IL13RA2: variants seen among roughly 807,000 people sequenced by gnomAD.
IL13RA2 encodes interleukin 13 receptor subunit alpha 2.
IL13RA2 carries 25 observed loss-of-function variants against 34.1 expected under a neutral mutation model. The observed-to-expected ratio is 0.73, with a 90% CI of 0.53 to 1.03. IL13RA2 has a LOEUF of 1.03. Among genes scored for constraint, IL13RA2 ranks in the 50% least tolerant of loss-of-function variants. The probability of loss-of-function intolerance (pLI) is 0.00; values close to 1 mark genes in which losing one functional copy is unlikely to be tolerated. For synonymous variants in IL13RA2, 106 were observed against 100.4 expected (o/e 1.06, Z -0.33); for missense variants, 297 against 280.9 (o/e 1.06, Z -0.41).
chrX:115,009,631 G>A lies in IL13RA2; in HGVS notation c.742C>T (p.Arg248Trp), dbSNP rs369836103. The stretch of plus-strand genomic sequence containing the variant: ...AGCTTAATTTCACATGAACTCTCCC[G>A]AGTAAAAGTAAGATAGACTGGCGGC... ...PLPPVYLTFT[R>W]ESSCEIKLKW... Residue 248 changes from arginine (R) to tryptophan (W), a missense_variant, in exon 7 of 10, where the codon CGG becomes TGG. Transcript: ENST00000243213. 1.1e-5 allele frequency: 13 copies of A among 1,202,750 alleles called. No homozygotes were observed. The highest frequency in any genetic ancestry group is 5.3e-5 in the African/African-American group (3 of 56,961).
rs1556508455 is a variant in IL13RA2 at position 115,009,632 on chromosome X, A to T, written c.741T>A (p.Thr247=). ...GCTTAATTTCACATGAACTCTCCCGAGTAAAAGTAAGATAGACTGGCGGCA... is the reference window on the plus strand; with the variant it reads ...GCTTAATTTCACATGAACTCTCCCGTGTAAAAGTAAGATAGACTGGCGGCA... The part of the protein sequence containing the change: ...KPLPPVYLTF[T]RESSCEIKLK... Residue 247 remains threonine (T), a synonymous_variant, in exon 7 of 10, where the codon ACT becomes ACA. Transcript: ENST00000243213. 2 of 1,205,777 alleles carry T rather than the reference A, an allele frequency of 1.7e-6. No individual in the cohort carries two copies. Among genetic ancestry groups the T allele is most frequent in the East Asian group, 5.9e-5 (2 of 33,804 alleles).
intron 4 of IL13RA2, 122 bp from the exon 5 acceptor site, chrX:115,014,011 G>A: frequency 1.8e-6 from 1 of 555,256 alleles, no homozygotes; most frequent in Non-Finnish European, 3.0e-6. Context: ...CAACATAACA[G>A]GATTATTTCA....
Position 115,015,686 on chromosome X carries a change from C to A in IL13RA2, c.230G>T (p.Gly77Val). Reference sequence around the variant, plus strand: ...TTTACTTACCTTCCATGTTTCACTACCAATGTTTCGGTATTTTAGTTCATA... The same window carrying A: ...TTTACTTACCTTCCATGTTTCACTAACAATGTTTCGGTATTTTAGTTCATA... Reference protein sequence around the residue: ...VEYELKYRNIGSETWKTIITK... With the variant: ...VEYELKYRNIVSETWKTIITK... Residue 77 changes from glycine to valine, a missense_variant, in exon 3 of 10, where the codon GGT becomes GTT. Coordinates refer to ENST00000243213, the MANE Select transcript of IL13RA2 (RefSeq NM_000640.3). The A allele has an allele frequency of 8.3e-7, 1 of 1,204,134 alleles. No individual in the cohort carries two copies. Among genetic ancestry groups the A allele is most frequent in the Non-Finnish European group, 1.1e-6 (1 of 888,830 alleles).
intron 6 of IL13RA2, 105 bp downstream of exon 6, chrX:115,010,537 GTC>G (rs2071702061): frequency 6.9e-6 from 3 of 432,886 alleles, no homozygotes; most frequent in Non-Finnish European, 1.2e-5. Flanking sequence ...CTCTGTCTAT[GTC>G]TCTCTCTCCT....
chrX:115,008,036 G>A lies in IL13RA2; in HGVS notation c.893C>T (p.Thr298Ile). The part of the protein sequence containing the change: ...VENETYTLKT[T>I]NETRQLCFVV... ...AAAGCATAATTGTCGGGTTTCATTTGTTGTTTTCAAGGTGTATGTTTCATT... is the reference window on the plus strand; with the variant it reads ...AAAGCATAATTGTCGGGTTTCATTTATTGTTTTCAAGGTGTATGTTTCATT... The change falls in exon 8 of 10, where the codon ACA (threonine) becomes ATA (isoleucine). Residue 298 changes from threonine to isoleucine, a missense_variant. Physicochemically the swap from Thr to Ile is moderately conservative, Grantham distance 89 (BLOSUM62 -1). Coordinates refer to ENST00000243213, the MANE Select transcript of IL13RA2 (RefSeq NM_000640.3). 1 of 1,152,787 alleles carries A rather than the reference G, an allele frequency of 8.7e-7. No homozygotes were observed. The highest frequency in any genetic ancestry group is 1.8e-5 in the South Asian group (1 of 54,904).
At chrX:115,015,882 T>C in intron 2 of IL13RA2, 61 bp from the exon 3 acceptor site, 16 of 778,103 alleles carry the variant, frequency 2.1e-5, no homozygotes, top group Middle Eastern at 3.1e-4. Context: ...TATTGCTAAA[T>C]CTAGATGGCT....
intron 7 of IL13RA2, among the ~76,000 whole-genome samples, chrX:115,009,167 T>C (rs1255121234): frequency 9.1e-6 from 1 of 110,430 alleles, no homozygotes; most frequent in Non-Finnish European, 1.9e-5. Flanking sequence ...TACTGTAATT[T>C]TGACCTGATG....
chrX:115,015,739 C>T lies in IL13RA2; in HGVS notation c.177G>A (p.Leu59=), dbSNP rs1556509794. The change falls in exon 3 of 10, where the codon CTG becomes CTA. Residue 59 remains leucine, a synonymous_variant. Coordinates refer to ENST00000243213, the MANE Select transcript of IL13RA2 (RefSeq NM_000640.3). ...CCACTGTGCATTCCTTAAAATGATC[C>T]AGAGACAGTGGGGGTTGCCATTGCA... ...LYLQWQPPLS[L]DHFKECTVEY... 1 of 1,190,837 alleles carries T rather than the reference C, an allele frequency of 8.4e-7. No individual in the cohort carries two copies. The highest frequency in any genetic ancestry group is 1.1e-6 in the Non-Finnish European group (1 of 876,540).
intron 5 of IL13RA2, among the ~76,000 whole-genome samples, chrX:115,011,468 A>G (rs782266113): frequency 3.1e-4 from 35 of 111,982 alleles, no homozygotes; most frequent in Non-Finnish European, 5.6e-4. Flanking sequence ...AGCTAAAAGG[A>G]ACTAGGAGTG....
chrX:115,017,539 T>C lies in IL13RA2; in HGVS notation c.-34+14A>G. The C allele has an allele frequency of 4.0e-6, 1 of 251,403 alleles. No homozygotes were observed. Among genetic ancestry groups the C allele is most frequent in the South Asian group, 5.9e-5 (1 of 16,896 alleles). 20.7% of individuals were successfully genotyped at this position (251,403 alleles called of 1,213,427 possible). On this transcript the variant is annotated intron_variant, in intron 1 of 9. Transcript: ENST00000243213. ...TAAAAACAAAGCTAAGCAAAAACCC[T>C]TGTAGCTCCTCACCTCCCCGCCGAC...
intron 8 of IL13RA2, among the ~76,000 whole-genome samples, chrX:115,006,815 T>G (rs185698656): frequency 8.5e-4 from 96 of 112,465 alleles, no homozygotes; most frequent in Non-Finnish European, 1.6e-3. Flanking sequence ...AACCACTTTA[T>G]ACAATGCATT....
chrX:115,005,334 C>T lies in IL13RA2; in HGVS notation c.998-19G>A, dbSNP rs17095003. On this transcript the variant is annotated intron_variant, in intron 8 of 9. Transcript: ENST00000243213. ...TCTTCACCTAGGATTAAAAATCACA[C>T]GGAAAGGGGAAGTGTTAGACATTTG... is the stretch of plus-strand genomic sequence containing the variant. The T allele has an allele frequency of 0.13, 93,641 of 718,958 alleles. 4,576 individuals carry two copies. The highest frequency in any genetic ancestry group is 0.16 in the Non-Finnish European group (70,468 of 447,897). 59.3% of individuals were successfully genotyped at this position (718,958 alleles called of 1,213,427 possible). A position where few individuals can be genotyped will look rare whatever the true frequency, so the allele number is the denominator to read the frequency against.
chrX:115,016,154 A>G (rs1602977983), intron 2 of IL13RA2, among the ~76,000 whole-genome samples: 1 of 108,620 alleles, frequency 9.2e-6, no homozygotes, highest in Non-Finnish European at 1.9e-5. Context: ...GGGAGAAACA[A>G]TGCAGGGTGA....
At position 115,007,955 on chromosome X, in the gene IL13RA2, C is replaced by T; in HGVS notation, c.974G>A (p.Trp325Ter). The T allele has an allele frequency of 8.9e-7, 1 of 1,125,841 alleles. No individual in the cohort carries two copies. The highest frequency in any genetic ancestry group is 1.2e-6 in the Non-Finnish European group (1 of 819,322). 92.8% of individuals were successfully genotyped at this position (1,125,841 alleles called of 1,213,427 possible). ...ACCTTCCCAGCATTGTTTATCACTC[C>T]ACTCACTCCAAATTCCGTCATCTGA... Reference protein sequence around the residue: ...YCSDDGIWSEWSDKQCWEGED... With the variant: ...YCSDDGIWSE Residue 325 changes from tryptophan (W) to a stop codon, truncating the protein, a stop_gained, in exon 8 of 10, where the codon TGG becomes TAG. Transcript: ENST00000243213. LOFTEE classifies it high-confidence loss of function.
At chrX:115,013,913 T>C (rs2071716422) in intron 4 of IL13RA2, 24 bp from the exon 5 acceptor site, 11 of 1,004,930 alleles carry the variant, frequency 1.1e-5, no homozygotes, top group Non-Finnish European at 1.5e-5. Flanking sequence ...CAACTGTGAA[T>C]GTTTGAAAGG....
chrX:115,006,418 C>T (rs1044604951), intron 8 of IL13RA2, among the ~76,000 whole-genome samples: 9 of 112,134 alleles, frequency 8.0e-5, no homozygotes, highest in African/African-American at 2.9e-4. Flanking sequence ...CACAGTGGCT[C>T]ATGCCTGTAA....
intron 7 of IL13RA2, 152 bp downstream of exon 7, chrX:115,009,369 T>C (rs782792950): frequency 2.4e-6 from 1 of 422,623 alleles, no homozygotes; most frequent in East Asian, 3.7e-5. Context: ...TATACTTTTG[T>C]CCATTAGCTT....
intron 7 of IL13RA2, 105 bp from the exon 8 acceptor site, chrX:115,008,181 G>A: frequency 9.0e-6 from 5 of 557,689 alleles, no homozygotes; most frequent in Non-Finnish European, 1.5e-5. Context: ...TAAAATCTAT[G>A]CAATCTATGC....
chrX:115,016,599 CAT>C (rs1478728171), intron 2 of IL13RA2, among the ~76,000 whole-genome samples: 1 of 105,306 alleles, frequency 9.5e-6, no homozygotes, highest in African/African-American at 3.4e-5. Flanking sequence ...TAATAACTAA[CAT>C]ATCACTATAA....
Sources: gnomAD v4.1 joint callset for allele counts (sites outside exome capture counted in the v4.1 genomes callset) on GRCh38, gnomAD v4.1.1 for gene constraint, MANE v1.5 for transcripts, NCBI Gene and HGNC (gene_info 2026-07-23, HGNC 2026-07-21) for gene names.